Variants in DDX17 observed in about 807,000 individuals in gnomAD.
DDX17 encodes the protein probable ATP-dependent RNA helicase DDX17.
Under a neutral mutation model 80.8 loss-of-function variants are expected in DDX17, and 10 were observed. The observed-to-expected ratio is 0.12, with a 90% CI of 0.08 to 0.21. The LOEUF is 0.21. Ranked by LOEUF, DDX17 falls within the 10% of genes least tolerant of loss-of-function variation. The pLI is 1.00. For synonymous variants in DDX17, 339 were observed against 336.2 expected, an observed-to-expected ratio of 1.01 and a Z score of -0.09; for missense variants, 586 against 957.4, an observed-to-expected ratio of 0.61 and a Z score of 5.12.
chr22:38,499,325 G>C (rs2089803138), intron 3 of DDX17, 75 bp downstream of exon 3: 2 of 1,133,542 alleles, frequency 1.8e-6, no homozygotes, highest in East Asian at 4.7e-5. Context: ...CTGGCTCAAA[G>C]AGTTTAACCT....
intron 2 of DDX17, 76 bp downstream of exon 2, chr22:38,501,054 A>G: frequency 6.7e-7 from 1 of 1,503,612 alleles, no homozygotes; most frequent in Non-Finnish European, 8.9e-7. Context: ...CGGCAACAGT[A>G]GCGTATGAAT....
intron 1 of DDX17, among the ~76,000 whole-genome samples, chr22:38,504,373 T>C (rs531769806): frequency 6.6e-6 from 1 of 152,312 alleles, no homozygotes; most frequent in South Asian, 2.1e-4. Context: ...CGAATGCTGG[T>C]ATATAAACTT....
At chr22:38,486,477 T>G (rs747948359) in intron 12 of DDX17, 37 bp from the exon 13 acceptor site, 2 of 1,538,568 alleles carry the variant, frequency 1.3e-6, no homozygotes, top group Non-Finnish European at 1.8e-6. Flanking sequence ...TAATGGCAGA[T>G]ATAGGACCTA....
At chr22:38,504,688 G>A (rs1208207277) in intron 1 of DDX17, among the ~76,000 whole-genome samples, 1 of 152,220 alleles carries the variant, frequency 6.6e-6, no homozygotes, top group East Asian at 1.9e-4. Context: ...AAATCCAGCA[G>A]TTGTGGATCT....
At chr22:38,488,137 A>AGT (rs749940691) in intron 11 of DDX17, 22 bp from the exon 12 acceptor site, 1 of 1,613,952 alleles carries the variant, frequency 6.2e-7, no homozygotes, top group South Asian at 1.1e-5. Flanking sequence ...ATGATGAGTC[A>AGT]GTGTGTAGGT....
intron 11 of DDX17, chr22:38,491,854 G>C (rs975534413): frequency 4.4e-6 from 2 of 457,852 alleles, no homozygotes; most frequent in Admixed American, 4.4e-5. Context: ...AAAATAAAAG[G>C]GGGGTGGGGG....
In DDX17 at chr22:38,501,095, A is replaced by G. The variant is rs750491081; in HGVS notation, c.438+35T>C. ...CTAACCAATATATCTACTTGGTTCA[A>G]TAATCTGTACATTAAAACACACATG... is the stretch of plus-strand genomic sequence containing the variant. On this transcript the variant is annotated intron_variant, in intron 2 of 12. Transcript: ENST00000403230. The G allele has an allele frequency of 2.5e-6, 4 of 1,603,092 alleles. No homozygotes were observed. The South Asian group carries it at 4.5e-5, about 18-fold the overall frequency.
intron 1 of DDX17, among the ~76,000 whole-genome samples, chr22:38,501,502 A>C (rs956688270): frequency 1.3e-5 from 2 of 152,216 alleles, no homozygotes; most frequent in Non-Finnish European, 2.9e-5. Flanking sequence ...ATAGGCAAAA[A>C]ATTAAAAATC....
At chr22:38,502,508 A>G (rs1400770269) in intron 1 of DDX17, among the ~76,000 whole-genome samples, 2 of 151,140 alleles carry the variant, frequency 1.3e-5, no homozygotes, top group Non-Finnish European at 2.9e-5. Context: ...CCCAAATGGT[A>G]TTATTAATTT....
In DDX17 at chr22:38,494,704, G is replaced by T; in HGVS notation, c.1140C>A (p.Gly380=). The change falls in exon 8 of 13, where the codon GGC becomes GGA. Residue 380 remains glycine, a synonymous_variant. Transcript: ENST00000403230. ...TGTGGTTGGCACTCAACTCCAGATT[G>T]CCTACGTTGATCTGGGTGTAATCAC... is the stretch of plus-strand genomic sequence containing the variant. 2 of 1,614,174 alleles carry T rather than the reference G, an allele frequency of 1.2e-6. No individual in the cohort carries two copies. The highest frequency in any genetic ancestry group is 8.5e-7 in the Non-Finnish European group (1 of 1,180,024).
chr22:38,499,638 T>C (rs779968400), intron 2 of DDX17, 139 bp from the exon 3 acceptor site: 54 of 665,376 alleles, frequency 8.1e-5, no homozygotes, highest in African/African-American at 2.7e-4. Context: ...CTTTCATGTG[T>C]ATCACTTTAA....
intron 1 of DDX17, chr22:38,505,579 A>G (rs903514980): frequency 6.2e-5 from 14 of 226,770 alleles, no homozygotes; most frequent in Non-Finnish European, 1.2e-4. Flanking sequence ...CGAGGCCTGG[A>G]GACATCGAAC....
At chr22:38,503,526 G>A (rs1488907272) in intron 1 of DDX17, among the ~76,000 whole-genome samples, 2 of 151,960 alleles carry the variant, frequency 1.3e-5, no homozygotes, top group East Asian at 1.9e-4. Flanking sequence ...AAAATATGCC[G>A]TCTTCCATGT....
At chr22:38,497,867 C>CAA (rs1369513877) in intron 5 of DDX17, among the ~76,000 whole-genome samples, 1 of 152,154 alleles carries the variant, frequency 6.6e-6, no homozygotes, top group African/African-American at 2.4e-5. Context: ...TGCATGGTTT[C>CAA]TTTAAGAGTA....
chr22:38,499,169 C>A (rs2089801406), intron 3 of DDX17, among the ~76,000 whole-genome samples: 1 of 152,180 alleles, frequency 6.6e-6, no homozygotes, highest in Non-Finnish European at 1.5e-5. Flanking sequence ...TTTCATTCTG[C>A]TGTTTTCTAA....
At chr22:38,505,227 C>T (rs568274706) in intron 1 of DDX17, 2 of 152,312 alleles carry the variant, frequency 1.3e-5, no homozygotes, top group South Asian at 4.1e-4. Flanking sequence ...CAAGAACTTT[C>T]TAGCGAGGCA....
intron 1 of DDX17, 172 bp downstream of exon 1, chr22:38,505,779 G>T: frequency 1.2e-6 from 1 of 822,702 alleles, no homozygotes; most frequent in Non-Finnish European, 1.8e-6. Flanking sequence ...CTCGGGTCCC[G>T]AGTGACCCCG....
chr22:38,499,428 C>A lies in DDX17; in HGVS notation c.510G>T (p.Val170=), dbSNP rs1409949309. ...GGAAGTTAGCATGATGGAAGGCAAACACGGGTTTAGGACAAACATCTCCCC... is the reference window on the plus strand; with the variant it reads ...GGAAGTTAGCATGATGGAAGGCAAAAACGGGTTTAGGACAAACATCTCCCC... Residue 170 remains valine (V), a synonymous_variant, in exon 3 of 13, where the codon GTG becomes GTT. Coordinates refer to ENST00000403230, the MANE Select transcript of DDX17 (RefSeq NM_006386.5). 1.9e-6 allele frequency: 3 copies of A among 1,613,924 alleles called. No individual in the cohort carries two copies. The African/African-American group carries it at 4.0e-5, about 22-fold the overall frequency.
At chr22:38,497,769 A>C (rs2089785095) in intron 5 of DDX17, among the ~76,000 whole-genome samples, 1 of 152,104 alleles carries the variant, frequency 6.6e-6, no homozygotes, top group Non-Finnish European at 1.5e-5. Flanking sequence ...TCTCAAAAAA[A>C]CACAAAAAAT....
Sources: allele counts gnomAD v4.1 joint callset (sites outside exome capture counted in the v4.1 genomes callset), GRCh38; gene constraint gnomAD v4.1.1; transcripts MANE v1.5; gene names NCBI Gene and HGNC (gene_info 2026-07-23, HGNC 2026-07-21).